ZC3H7B: variants seen among roughly 807,000 people sequenced by gnomAD.
ZC3H7B encodes the protein zinc finger CCCH-type containing 7B, also known as zinc finger CCCH domain-containing protein 7B.
ZC3H7B carries 35 observed loss-of-function variants against 116.0 expected under a neutral mutation model. That is an observed-to-expected ratio of 0.30 (90% confidence interval 0.23 to 0.40). The LOEUF (loss-of-function observed/expected upper bound fraction) is 0.40. ZC3H7B is among the 10% of genes least tolerant of loss of function. The pLI is 1.00. For synonymous variants in ZC3H7B, 502 were observed against 545.6 expected, an observed-to-expected ratio of 0.92 and a Z score of 1.11; for missense variants, 1,011 against 1,321.5, an observed-to-expected ratio of 0.77 and a Z score of 3.64.
chr22:41,350,876 G>A (rs924293686), intron 16 of ZC3H7B, among the ~76,000 whole-genome samples: 3 of 152,234 alleles, frequency 2.0e-5, no homozygotes, highest in African/African-American at 7.2e-5. Flanking sequence ...ATGATTAGCT[G>A]TCGTGGAGCA....
chr22:41,302,726 G>A lies in ZC3H7B; in HGVS notation c.-7+954G>A, dbSNP rs916431918. Among the ~76,000 whole-genome samples, 2 of 152,180 alleles carry A rather than the reference G, an allele frequency of 1.3e-5. No homozygotes were observed. Among genetic ancestry groups the A allele is most frequent in the Non-Finnish European group, 2.9e-5 (2 of 68,020 alleles). ...TTCACAGACAAAGCCGTCTTCCCAGGGGGGAAAATAATCATATAAAAACAG... is the reference window on the plus strand; with the variant it reads ...TTCACAGACAAAGCCGTCTTCCCAGAGGGGAAAATAATCATATAAAAACAG... On this transcript the variant is annotated intron_variant, in intron 1 of 22. Transcript: ENST00000352645. This position sits in a 1 kb window ranked among gnomAD's most constrained non-coding sequence, Gnocchi z 5.7.
Position 41,338,194 on chromosome 22 carries a change from G to A in ZC3H7B, c.583-119G>A. 6 of 1,053,576 alleles carry A rather than the reference G, an allele frequency of 5.7e-6. No homozygotes were observed. Among genetic ancestry groups the A allele is most frequent in the Non-Finnish European group, 8.3e-6 (6 of 721,254 alleles). 65.3% of individuals were successfully genotyped at this position (1,053,576 alleles called of 1,614,324 possible). On this transcript the variant is annotated intron_variant, in intron 7 of 22. Coordinates refer to ENST00000352645, the MANE Select transcript of ZC3H7B (RefSeq NM_017590.6). The surrounding 1 kb of genome is among the most constrained non-coding windows in gnomAD (Gnocchi z 4.5). ...CATGTGAGGGCTTTAATCTCCCCTG[G>A]CACTCTAAGTGCTCCTCGGTGCTGG...
intron 22 of ZC3H7B, 53 bp downstream of exon 22, chr22:41,356,861 G>A (rs908513295): frequency 1.9e-6 from 3 of 1,607,434 alleles, no homozygotes; most frequent in Admixed American, 3.3e-5. Context: ...CGAGGAGATG[G>A]AGTCCGTGGC....
chr22:41,319,567 C>CT (rs979268441), intron 1 of ZC3H7B, among the ~76,000 whole-genome samples: 4 of 118,368 alleles, frequency 3.4e-5, no homozygotes, highest in African/African-American at 1.5e-4. Context: ...GAGTCTCCGG[C>CT]TAAAAAAAAA....
chr22:41,332,291 C>T (rs778328137), intron 7 of ZC3H7B, 64 bp downstream of exon 7: 1 of 1,596,748 alleles, frequency 6.3e-7, no homozygotes, highest in Non-Finnish European at 8.6e-7. Context: ...GATTCACTCT[C>T]TCCGGGTATA....
chr22:41,331,411 C>CA (rs2036382640), intron 6 of ZC3H7B, among the ~76,000 whole-genome samples: 1 of 116,530 alleles, frequency 8.6e-6, no homozygotes, highest in Admixed American at 1.0e-4. Flanking sequence ...AAAAAATTAG[C>CA]GGGGGTGGTA....
At chr22:41,334,107 C>T (rs922270853) in intron 7 of ZC3H7B, 1 of 152,224 alleles carries the variant, frequency 6.6e-6, no homozygotes, top group African/African-American at 2.4e-5. Context: ...GAAGCCAGAC[C>T]GCTTGACCCC....
At chr22:41,354,188 C>T (rs1327770260) in intron 17 of ZC3H7B, among the ~76,000 whole-genome samples, 1 of 152,204 alleles carries the variant, frequency 6.6e-6, no homozygotes, top group Non-Finnish European at 1.5e-5. Flanking sequence ...AGCCACCATA[C>T]CCTCGGTGCC....
intron 17 of ZC3H7B, among the ~76,000 whole-genome samples, chr22:41,353,153 G>C (rs905107321): frequency 2.0e-5 from 3 of 152,074 alleles, no homozygotes; most frequent in African/African-American, 7.2e-5. Flanking sequence ...AGTACTGCTC[G>C]GACTGACACC....
intron 17 of ZC3H7B, among the ~76,000 whole-genome samples, chr22:41,355,045 C>T (rs1050829273): frequency 1.2e-4 from 19 of 152,314 alleles, no homozygotes; most frequent in African/African-American, 4.6e-4. Flanking sequence ...ACAGCTGCAG[C>T]TTAGGAGAGC....
intron 1 of ZC3H7B, among the ~76,000 whole-genome samples, chr22:41,314,372 G>T (rs1390008877): frequency 6.6e-6 from 1 of 151,710 alleles, no homozygotes; most frequent in Non-Finnish European, 1.5e-5. Context: ...GGCCAGGCTG[G>T]TCTCGAACTC....
chr22:41,346,772 C>T lies in ZC3H7B; in HGVS notation c.1665+564C>T, dbSNP rs887019344. Among the ~76,000 whole-genome samples, 13 of 151,842 alleles carry T rather than the reference C, an allele frequency of 8.6e-5. No individual in the cohort carries two copies. The highest frequency in any genetic ancestry group is 6.2e-4 in the South Asian group (3 of 4,808). On this transcript the variant is annotated intron_variant, in intron 14 of 22. Transcript: ENST00000352645. This position sits in a 1 kb window ranked among gnomAD's most constrained non-coding sequence, Gnocchi z 5.3. ...CAAAGGTTGCAGTGAGCCGAGATCG[C>T]GCAACTGCACTAGAGACTCCATCTC...
rs1339445053 is a variant in ZC3H7B at position 41,349,976 on chromosome 22, T to C, written c.1948+675T>C. Among the ~76,000 whole-genome samples, 1 of 152,208 alleles carries C rather than the reference T, an allele frequency of 6.6e-6. No homozygotes were observed. Among genetic ancestry groups the C allele is most frequent in the African/African-American group, 2.4e-5 (1 of 41,444 alleles). On this transcript the variant is annotated intron_variant, in intron 16 of 22. Transcript: ENST00000352645. This position sits in a 1 kb window ranked among gnomAD's most constrained non-coding sequence, Gnocchi z 4.9. ...GATTTAAAATATGGTACATATAACA[T>C]TCAGTGTCTGCTTAGAGTTGGTGAA...
rs1011359547 is a variant in ZC3H7B at position 41,356,763 on chromosome 22, G to C, written c.2636G>C (p.Gly879Ala). Reference sequence around the variant, plus strand: ...TTCACGTCCGACAGTGACGCCAGCGGCTGGGCCTTCCGCTTCCCCATGGGC... The same window carrying C: ...TTCACGTCCGACAGTGACGCCAGCGCCTGGGCCTTCCGCTTCCCCATGGGC... ...KVFTSDSDAS[G>A]WAFRFPMGEF... Residue 879 changes from glycine to alanine, a missense_variant, in exon 22 of 23, where the codon GGC becomes GCC. Transcript: ENST00000352645. 1 of 1,613,610 alleles carries C rather than the reference G, an allele frequency of 6.2e-7. No homozygotes were observed. The highest frequency in any genetic ancestry group is 8.5e-7 in the Non-Finnish European group (1 of 1,179,992).
At chr22:41,316,476 A>T (rs1466492030) in intron 1 of ZC3H7B, among the ~76,000 whole-genome samples, 7 of 150,538 alleles carry the variant, frequency 4.6e-5, no homozygotes, top group African/African-American at 1.7e-4. Flanking sequence ...TTGTATTTTT[A>T]GTAGAGACAG....
chr22:41,322,477 C>T (rs1371768248), intron 2 of ZC3H7B, among the ~76,000 whole-genome samples: 3 of 152,304 alleles, frequency 2.0e-5, no homozygotes, highest in East Asian at 3.9e-4. Context: ...TGAGCCACCG[C>T]ATCCAGCCCG....
At chr22:41,325,259 G>C (rs1300314464) in intron 2 of ZC3H7B, among the ~76,000 whole-genome samples, 1 of 152,016 alleles carries the variant, frequency 6.6e-6, no homozygotes, top group African/African-American at 2.4e-5. Flanking sequence ...TGGGGCTGGA[G>C]CTGGGGCTGT....
intron 2 of ZC3H7B, 91 bp downstream of exon 2, chr22:41,320,804 T>A: frequency 6.4e-7 from 1 of 1,560,300 alleles, no homozygotes; most frequent in Non-Finnish European, 8.8e-7. Context: ...CTTTTCTTGC[T>A]GCTGAGCCTT....
intron 14 of ZC3H7B, among the ~76,000 whole-genome samples, chr22:41,347,494 C>T (rs2036601999): frequency 6.6e-6 from 1 of 152,200 alleles, no homozygotes; most frequent in Non-Finnish European, 1.5e-5. Context: ...TCCCTGAAGA[C>T]CCCGCTTGGC....
Sources: gnomAD v4.1 joint callset for allele counts (sites outside exome capture counted in the v4.1 genomes callset) on GRCh38, gnomAD v4.1.1 for gene constraint, Gnocchi (gnomAD v3.1) non-coding constraint, MANE v1.5 for transcripts, NCBI Gene and HGNC (gene_info 2026-07-23, HGNC 2026-07-21) for gene names.